Variants in CLEC12A observed in about 807,000 individuals in gnomAD.
CLEC12A encodes C-type lectin domain family 12 member A.
CLEC12A carries 22 observed loss-of-function variants against 26.5 expected under a neutral mutation model. That is an observed-to-expected ratio of 0.83 (90% CI 0.59 to 1.19). The LOEUF (loss-of-function observed/expected upper bound fraction) is 1.19. CLEC12A is among the 50% of genes most tolerant of loss of function. The pLI is 0.00. For synonymous variants in CLEC12A, 119 were observed against 101.9 expected (o/e 1.17, Z -1.01); for missense variants, 353 against 315.6 (o/e 1.12, Z -0.90).
chr12:9,962,061 A>G (rs1396493075), intron 1 of CLEC12A, among the ~76,000 whole-genome samples: 1 of 152,146 alleles, frequency 6.6e-6, no homozygotes, highest in Admixed American at 6.5e-5. Flanking sequence ...CATCAGCTAT[A>G]GTTTCTGCTG....
At chr12:9,993,819 A>C (rs1037002586) in intron 4 of CLEC12A, among the ~76,000 whole-genome samples, 1 of 152,148 alleles carries the variant, frequency 6.6e-6, no homozygotes, top group East Asian at 1.9e-4. Flanking sequence ...CTTTCTTTCT[A>C]AACTGCTTAT....
At chr12:9,998,403 T>C (rs748246335), downstream of CLEC12A, 5 of 1,578,176 alleles carry the variant, frequency 3.2e-6, no homozygotes, top group East Asian at 6.7e-5. Context: ...AATAAAGACA[T>C]CAAGGAGCAG....
At chr12:9,978,288 T>TA (rs1007888349) in intron 1 of CLEC12A, among the ~76,000 whole-genome samples, 69 of 147,738 alleles carry the variant, frequency 4.7e-4, no homozygotes, top group Middle Eastern at 3.6e-3. Flanking sequence ...GTTTTTTTTT[T>TA]AAATAGAGAA....
intron 5 of CLEC12A, among the ~76,000 whole-genome samples, chr12:9,982,902 T>C (rs1864619620): frequency 6.6e-6 from 1 of 152,160 alleles, no homozygotes; most frequent in African/African-American, 2.4e-5. Context: ...TAAATTTACG[T>C]TCCTGAGTTA....
At chr12:10,002,544 C>A in the CLEC12A span, among the ~76,000 whole-genome samples, 1 of 89,832 alleles carries the variant, frequency 1.1e-5, no homozygotes, top group South Asian at 2.8e-4. Context: ...CCGGGTTCAC[C>A]CCATTCTCCT....
chr12:9,986,344 G>GAA (rs3053775), downstream of CLEC12A, among the ~76,000 whole-genome samples: 136 of 119,014 alleles, frequency 1.1e-3, 2 homozygotes, highest in African/African-American at 1.7e-3. Context: ...AGTCTCCACT[G>GAA]AAAAAAAAAA....
the CLEC12A span, among the ~76,000 whole-genome samples, chr12:10,005,514 C>T: frequency 1.3e-5 from 2 of 152,110 alleles, no homozygotes; most frequent in Non-Finnish European, 2.9e-5. Flanking sequence ...ATGCTTTTAT[C>T]AGTTATATTT....
At chr12:9,997,526 A>T (rs1039368282), downstream of CLEC12A, among the ~76,000 whole-genome samples, 4 of 152,186 alleles carry the variant, frequency 2.6e-5, no homozygotes, top group Admixed American at 2.6e-4. Context: ...AAAAAATCCC[A>T]ACATCGATAA....
intron 1 of CLEC12A, among the ~76,000 whole-genome samples, chr12:9,962,261 T>C (rs903017706): frequency 6.6e-6 from 1 of 150,558 alleles, no homozygotes; most frequent in Non-Finnish European, 1.5e-5. Context: ...TTCTTTTTTT[T>C]TTTTTTTTTT....
chr12:9,967,122 G>A (rs1315861671), upstream of CLEC12A, among the ~76,000 whole-genome samples: 6 of 151,716 alleles, frequency 4.0e-5, no homozygotes, highest in African/African-American at 1.5e-4. Context: ...AGGAAGAATT[G>A]GGACCTAGCT....
intron 1 of CLEC12A, among the ~76,000 whole-genome samples, chr12:9,963,704 C>T (rs1863877973): frequency 6.6e-6 from 1 of 152,042 alleles, no homozygotes; most frequent in Non-Finnish European, 1.5e-5. Flanking sequence ...CAGGTAGACA[C>T]ATGGAGGTAG....
At chr12:9,957,027 A>G (rs1002753327) in intron 1 of CLEC12A, among the ~76,000 whole-genome samples, 9 of 152,236 alleles carry the variant, frequency 5.9e-5, no homozygotes, top group African/African-American at 1.9e-4. Context: ...TGTTATCGAT[A>G]TAAACCAAAA....
intron 4 of CLEC12A, among the ~76,000 whole-genome samples, chr12:9,981,656 TTC>T (rs1237402512): frequency 1.3e-5 from 2 of 152,176 alleles, no homozygotes; most frequent in African/African-American, 2.4e-5. Flanking sequence ...TTCCTACTCT[TTC>T]TGTTTCTATT....
intron 1 of CLEC12A, among the ~76,000 whole-genome samples, chr12:9,964,125 G>A (rs144690676): frequency 6.6e-6 from 1 of 152,318 alleles, no homozygotes; most frequent in African/African-American, 2.4e-5. Context: ...GGGGGGAGTA[G>A]AGTTGATACA....
downstream of CLEC12A, among the ~76,000 whole-genome samples, chr12:10,000,199 A>G (rs1865140945): frequency 6.6e-6 from 1 of 152,212 alleles, no homozygotes; most frequent in South Asian, 2.1e-4. Flanking sequence ...TTCTTTACTT[A>G]GCAGAGTGTT....
At chr12:9,999,068 A>G, downstream of CLEC12A, 2 of 1,609,346 alleles carry the variant, frequency 1.2e-6, no homozygotes, top group Non-Finnish European at 1.7e-6. Context: ...GAGTTTTAAT[A>G]TTTAAGGTGA....
chr12:9,992,824 T>C (rs2137228549), intron 4 of CLEC12A: 3 of 220,750 alleles, frequency 1.4e-5, no homozygotes, highest in South Asian at 1.2e-4. Context: ...CTAACCTATA[T>C]TGGCCTGATT....
chr12:9,977,632 C>T (rs1864390213), intron 1 of CLEC12A, among the ~76,000 whole-genome samples: 1 of 152,174 alleles, frequency 6.6e-6, no homozygotes, highest in Non-Finnish European at 1.5e-5. Flanking sequence ...ACTGCCTGCT[C>T]TCTATAACAG....
At chr12:9,979,568 A>G (rs953377989) in intron 3 of CLEC12A, 44 bp downstream of exon 3, 1 of 1,417,430 alleles carries the variant, frequency 7.1e-7, no homozygotes. Flanking sequence ...ACAATAAACT[A>G]AACCACTGAG....
Sources: allele counts gnomAD v4.1 joint callset (sites outside exome capture counted in the v4.1 genomes callset), GRCh38; gene constraint gnomAD v4.1.1; transcripts MANE v1.5; gene names NCBI Gene and HGNC (gene_info 2026-07-23, HGNC 2026-07-21).